CSMD2: variants seen among roughly 807,000 people sequenced by gnomAD.
CSMD2 encodes the protein CUB and sushi domain-containing protein 2.
In CSMD2, 130 loss-of-function variants were observed where a neutral mutation model predicts 398.5. That is an observed-to-expected ratio of 0.33 (90% CI 0.28 to 0.38). CSMD2 has a LOEUF of 0.38. Among genes scored for constraint, CSMD2 ranks in the 10% least tolerant of loss-of-function variants. CSMD2 has a pLI of 1.00. For missense variants in CSMD2, 3,829 were observed against 4,764.9 expected (o/e 0.80, Z 5.78); for synonymous variants, 1,828 against 1,908.5 (o/e 0.96, Z 1.10).
chr1:33,572,579 T>A lies in CSMD2; in HGVS notation c.7689A>T (p.Ala2563=). 1.2e-6 allele frequency: 2 copies of A among 1,614,102 alleles called. No homozygotes were observed. The highest frequency in any genetic ancestry group is 2.2e-5 in the South Asian group (2 of 91,068). The change falls in exon 50 of 71, where the codon GCA becomes GCT. Residue 2563 remains alanine (A), a synonymous_variant. Transcript: ENST00000373381. ...GACACTCTGCAGTGGCCTCAGCGCC[T>A]GCCTGGAGGTGGTAGCCTTCACTGC... The part of the protein sequence containing the change: ...YSCSEGYHLQ[A]GAEATAECLD...
intron 15 of CSMD2, among the ~76,000 whole-genome samples, chr1:33,737,342 T>A (rs1035371766): frequency 6.6e-6 from 1 of 152,212 alleles, no homozygotes; most frequent in African/African-American, 2.4e-5. Flanking sequence ...TTGGGGCAAG[T>A]TCCTGGAAGG....
chr1:34,124,192 T>TCATTCATC (rs1334203050), intron 1 of CSMD2, among the ~76,000 whole-genome samples: 1 of 152,210 alleles, frequency 6.6e-6, no homozygotes, highest in African/African-American at 2.4e-5. Context: ...ATTCATTCAT[T>TCATTCATC]CATTCATCCA....
At chr1:33,947,292 A>G (rs1431403013) in intron 3 of CSMD2, among the ~76,000 whole-genome samples, 4 of 152,182 alleles carry the variant, frequency 2.6e-5, no homozygotes, top group African/African-American at 7.2e-5. Flanking sequence ...GCTCTGGGCC[A>G]GGCTCTGCTG....
At chr1:33,524,832 G>T (rs1442576941) in intron 66 of CSMD2, 50 bp downstream of exon 66, 3 of 1,587,288 alleles carry the variant, frequency 1.9e-6, no homozygotes, top group African/African-American at 2.7e-5. Flanking sequence ...CTTGCCAAGG[G>T]TGTGTGCCCA....
intron 1 of CSMD2, among the ~76,000 whole-genome samples, chr1:34,099,950 A>G (rs551620743): frequency 6.6e-6 from 1 of 152,336 alleles, no homozygotes; most frequent in African/African-American, 2.4e-5. Context: ...GGCTGATGAG[A>G]AGGTGGAAGG....
chr1:33,943,744 T>C (rs1644751815), intron 3 of CSMD2, among the ~76,000 whole-genome samples: 1 of 152,126 alleles, frequency 6.6e-6, no homozygotes, highest in African/African-American at 2.4e-5. Context: ...ATTGTTTCTT[T>C]AGGTGTCTAT....
At chr1:33,521,395 A>G in intron 68 of CSMD2, 68 bp downstream of exon 68, 1 of 1,092,432 alleles carries the variant, frequency 9.2e-7, no homozygotes, top group Non-Finnish European at 1.4e-6. Flanking sequence ...CCTCTACCTG[A>G]CCACGGCACA....
rs1384717153 is a variant in CSMD2, at chr1:33,698,914, C to T, written c.3764G>A (p.Gly1255Glu). The T allele has an allele frequency of 6.2e-7, 1 of 1,613,920 alleles. No individual in the cohort carries two copies. The highest frequency in any genetic ancestry group is 1.7e-5 in the Admixed American group (1 of 59,998). The change falls in exon 24 of 71, where the codon GGA becomes GAA. Residue 1255 changes from glycine (G) to glutamate (E), a missense_variant. Physicochemically the swap from Gly to Glu is moderately conservative, Grantham distance 98 (BLOSUM62 -2). Coordinates refer to ENST00000373381, the MANE Select transcript of CSMD2 (RefSeq NM_001281956.2). ...AACCTTGTAGCCAAACTTGGGGGTT[C>T]CTGGGTCCTCACATTTGATGAGTTC... ...SFELIKCEDP[G>E]TPKFGYKVHD...
At chr1:34,074,271 G>T (rs907981467) in intron 2 of CSMD2, among the ~76,000 whole-genome samples, 1 of 152,188 alleles carries the variant, frequency 6.6e-6, no homozygotes, top group African/African-American at 2.4e-5. Context: ...ACCTCCTAAA[G>T]GTGTTGTTGA....
chr1:34,091,600 A>C (rs1241060084), intron 1 of CSMD2, among the ~76,000 whole-genome samples: 1 of 152,200 alleles, frequency 6.6e-6, no homozygotes, highest in Non-Finnish European at 1.5e-5. Flanking sequence ...TAATCTCTAA[A>C]GGACTTTAAT....
chr1:34,127,244 T>A (rs1475933307), intron 1 of CSMD2, among the ~76,000 whole-genome samples: 8 of 152,102 alleles, frequency 5.3e-5, no homozygotes, highest in African/African-American at 1.4e-4. Flanking sequence ...GAGTATGGAC[T>A]ATTTGAGGAA....
intron 1 of CSMD2, among the ~76,000 whole-genome samples, chr1:34,094,503 T>G (rs1331748874): frequency 7.9e-5 from 12 of 152,192 alleles, no homozygotes; most frequent in Middle Eastern, 3.4e-3. Flanking sequence ...TGTGCTGTAT[T>G]CAGGAAACCC....
At chr1:34,013,666 C>T (rs576130706) in intron 3 of CSMD2, among the ~76,000 whole-genome samples, 2 of 152,264 alleles carry the variant, frequency 1.3e-5, no homozygotes, top group East Asian at 1.9e-4. Context: ...CAGAAACAGA[C>T]ATAACTGTTT....
intron 1 of CSMD2, among the ~76,000 whole-genome samples, chr1:34,129,658 AT>A (rs1202637349): frequency 6.6e-6 from 1 of 152,220 alleles, no homozygotes; most frequent in African/African-American, 2.4e-5. Context: ...TCTCAAAAAA[AT>A]AAATAAATAA....
chr1:34,077,826 A>G (rs529384396), intron 2 of CSMD2, among the ~76,000 whole-genome samples: 44 of 151,010 alleles, frequency 2.9e-4, no homozygotes, highest in African/African-American at 1.0e-3. Flanking sequence ...AAAACTGCCT[A>G]TTGTGTACAG....
intron 3 of CSMD2, among the ~76,000 whole-genome samples, chr1:34,002,161 C>A (rs1646925199): frequency 6.6e-6 from 1 of 152,020 alleles, no homozygotes; most frequent in Admixed American, 6.5e-5. Flanking sequence ...GTTTGTTATC[C>A]CTCTAGATAG....
intron 3 of CSMD2, among the ~76,000 whole-genome samples, chr1:33,950,422 AGGAGAGT>A (rs1644971124): frequency 7.2e-6 from 1 of 139,476 alleles, no homozygotes; most frequent in African/African-American, 2.7e-5. Context: ...AGAGAGAGAG[AGGAGAGT>A]TTGTGTCTAT....
At chr1:33,783,525 G>A (rs1014901641) in intron 12 of CSMD2, among the ~76,000 whole-genome samples, 2 of 151,250 alleles carry the variant, frequency 1.3e-5, no homozygotes, top group African/African-American at 4.9e-5. Flanking sequence ...TGGTGAGAAG[G>A]TAGCTGTCTA....
At chr1:33,700,763 GT>G in intron 22 of CSMD2, 90 bp from the exon 23 acceptor site, 2 of 1,255,596 alleles carry the variant, frequency 1.6e-6, no homozygotes, top group Non-Finnish European at 2.3e-6. Context: ...CACTCCTGGA[GT>G]TTAGCACTGG....
Sources: gnomAD v4.1 joint callset for allele counts (sites outside exome capture counted in the v4.1 genomes callset) on GRCh38, gnomAD v4.1.1 for gene constraint, MANE v1.5 for transcripts, NCBI Gene and HGNC (gene_info 2026-07-23, HGNC 2026-07-21) for gene names.